CFAP20DC: variants seen among roughly 807,000 people sequenced by gnomAD.
CFAP20DC encodes CFAP20 domain containing.
CFAP20DC carries 84 observed loss-of-function variants against 101.7 expected under a neutral mutation model. The observed-to-expected ratio is 0.83, with a 90% CI of 0.69 to 0.99. The LOEUF is 0.99. CFAP20DC is among the 50% of genes least tolerant of loss of function. CFAP20DC has a pLI of 0.00. For missense variants in CFAP20DC, 1,007 were observed against 970.3 expected (o/e 1.04, Z -0.50); for synonymous variants, 359 against 351.2 (o/e 1.02, Z -0.25).
At chr3:58,763,012 T>C (rs2069812785) in intron 15 of CFAP20DC, among the ~76,000 whole-genome samples, 1 of 152,186 alleles carries the variant, frequency 6.6e-6, no homozygotes, top group African/African-American at 2.4e-5. Flanking sequence ...GACAATGATG[T>C]GTCTTGGAGT....
chr3:58,888,156 T>C (rs1226627795), intron 6 of CFAP20DC, among the ~76,000 whole-genome samples: 1 of 152,228 alleles, frequency 6.6e-6, no homozygotes, highest in Non-Finnish European at 1.5e-5. Flanking sequence ...AGGTGAAGTG[T>C]GAAAATAGAA....
Position 58,913,943 on chromosome 3 carries a change from C to G in CFAP20DC, c.394-79G>C. On this transcript the variant is annotated intron_variant, in intron 5 of 16. Transcript: ENST00000482387. This position sits in a 1 kb window ranked among gnomAD's most constrained non-coding sequence, Gnocchi z 4.4. ...AACAAACCATCTATATGTAGACATT[C>G]AAAGAGTTGAGGCAGTTATCCTGAT... 1 of 1,467,276 alleles carries G rather than the reference C, an allele frequency of 6.8e-7. No homozygotes were observed. Among genetic ancestry groups the G allele is most frequent in the South Asian group, 1.2e-5 (1 of 84,012 alleles). 90.9% of individuals were successfully genotyped at this position (1,467,276 alleles called of 1,614,324 possible).
intron 15 of CFAP20DC, among the ~76,000 whole-genome samples, chr3:58,754,711 G>C (rs1369227662): frequency 1.3e-5 from 2 of 151,996 alleles, no homozygotes; most frequent in South Asian, 2.1e-4. Flanking sequence ...TACTTCCTAC[G>C]GTATTAATCT....
At chr3:58,920,178 C>T (rs1397367535) in intron 5 of CFAP20DC, among the ~76,000 whole-genome samples, 1 of 146,420 alleles carries the variant, frequency 6.8e-6, no homozygotes, top group Non-Finnish European at 1.5e-5. Flanking sequence ...GCAGCCTCCG[C>T]TTCCCAGGCT....
downstream of CFAP20DC, among the ~76,000 whole-genome samples, chr3:58,737,590 A>G (rs1236928422): frequency 6.6e-6 from 1 of 152,186 alleles, no homozygotes; most frequent in Non-Finnish European, 1.5e-5. This position sits in a 1 kb window ranked among gnomAD's most constrained non-coding sequence, Gnocchi z 4.1. Context: ...AGCCACTGAG[A>G]ACTACTCCAG....
At chr3:58,843,601 C>G (rs1393483160) in intron 13 of CFAP20DC, among the ~76,000 whole-genome samples, 2 of 151,784 alleles carry the variant, frequency 1.3e-5, no homozygotes, top group Admixed American at 6.6e-5. Context: ...AGGATATTAT[C>G]CAGGAGAACT....
rs1188139807 is a variant in CFAP20DC, at chr3:58,897,115, G to A, written c.551-12406C>T. 1.3e-5 allele frequency among the ~76,000 whole-genome samples: 2 copies of A among 152,128 alleles called. No homozygotes were observed. The highest frequency in any genetic ancestry group is 1.3e-4 in the Admixed American group (2 of 15,268). On this transcript the variant is annotated intron_variant, in intron 6 of 16. Coordinates refer to ENST00000482387, the MANE Select transcript of CFAP20DC (RefSeq NM_001394063.1). The surrounding 1 kb of genome is among the most constrained non-coding windows in gnomAD (Gnocchi z 4.4). ...TAGGATTGTTAGCACTTCTTGAATTGAACCCTTTACCACTACATAATGCCC... is the reference window on the plus strand; with the variant it reads ...TAGGATTGTTAGCACTTCTTGAATTAAACCCTTTACCACTACATAATGCCC...
chr3:58,826,633 A>T (rs1016013961), intron 14 of CFAP20DC, among the ~76,000 whole-genome samples: 2 of 152,146 alleles, frequency 1.3e-5, no homozygotes, highest in Admixed American at 6.5e-5. Context: ...AAGGACCTAA[A>T]CTCATCCGTA....
chr3:58,890,584 C>T (rs1323896895), intron 6 of CFAP20DC, among the ~76,000 whole-genome samples: 2 of 151,070 alleles, frequency 1.3e-5, no homozygotes, highest in Non-Finnish European at 3.0e-5. Context: ...CCACCTCCCT[C>T]CCGGACGGGG....
At chr3:58,983,054 G>A (rs888104141) in intron 4 of CFAP20DC, among the ~76,000 whole-genome samples, 2 of 152,074 alleles carry the variant, frequency 1.3e-5, no homozygotes, top group East Asian at 1.9e-4. Context: ...GAGCCAAAGT[G>A]GGGGGAAAGA....
At chr3:58,883,116 CTT>C (rs1326057798) in intron 7 of CFAP20DC, among the ~76,000 whole-genome samples, 2 of 152,196 alleles carry the variant, frequency 1.3e-5, no homozygotes, top group Non-Finnish European at 2.9e-5. Flanking sequence ...ATGGTTATCT[CTT>C]GTTTCTCCTT....
At chr3:58,816,110 C>G (rs571382091) in intron 14 of CFAP20DC, among the ~76,000 whole-genome samples, 11 of 151,826 alleles carry the variant, frequency 7.2e-5, no homozygotes, top group African/African-American at 2.7e-4. Context: ...GGAACCAACC[C>G]AAATGTCCAA....
intron 6 of CFAP20DC, among the ~76,000 whole-genome samples, chr3:58,898,654 G>GT (rs2082878022): frequency 6.6e-6 from 1 of 152,094 alleles, no homozygotes; most frequent in East Asian, 1.9e-4. Context: ...AGCAAAGTTC[G>GT]TTATTACCCA....
At chr3:58,891,153 G>A (rs1249338517) in intron 6 of CFAP20DC, among the ~76,000 whole-genome samples, 5 of 151,968 alleles carry the variant, frequency 3.3e-5, no homozygotes, top group South Asian at 2.1e-4. Context: ...CTGAGTGAAC[G>A]AGACTCCGTC....
intron 6 of CFAP20DC, among the ~76,000 whole-genome samples, chr3:58,898,721 A>T (rs1209619940): frequency 6.6e-6 from 1 of 152,088 alleles, no homozygotes; most frequent in Non-Finnish European, 1.5e-5. Flanking sequence ...ATTTTGTGCC[A>T]TTGCTGGAGA....
At chr3:58,796,622 C>G (rs1206431735) in intron 15 of CFAP20DC, among the ~76,000 whole-genome samples, 1 of 152,188 alleles carries the variant, frequency 6.6e-6, no homozygotes, top group Admixed American at 6.5e-5. Flanking sequence ...ACCAGCACCA[C>G]AGCTTCAGGT....
At chr3:59,000,733 A>G (rs2108747155) in intron 4 of CFAP20DC, among the ~76,000 whole-genome samples, 1 of 152,300 alleles carries the variant, frequency 6.6e-6, no homozygotes, top group African/African-American at 2.4e-5. Context: ...GTGAAGAACA[A>G]CACAGAAGGT....
At position 58,817,150 on chromosome 3, in the gene CFAP20DC, C is replaced by G. The variant is rs1427158886; in HGVS notation, c.2176-10694G>C. Among the ~76,000 whole-genome samples the G allele has an allele frequency of 2.0e-5, 3 of 151,834 alleles. No individual in the cohort carries two copies. The South Asian group carries it at 6.2e-4, about 32-fold the overall frequency. ...CGAAAACCCATCTGTACATCACCAT[C>G]ATCAAAGACCAAAAGTAGATAAAAC... is the stretch of plus-strand genomic sequence containing the variant. On this transcript the variant is annotated intron_variant, in intron 14 of 16. Coordinates refer to ENST00000482387, the MANE Select transcript of CFAP20DC (RefSeq NM_001394063.1).
intron 5 of CFAP20DC, among the ~76,000 whole-genome samples, chr3:58,926,619 C>CA (rs2086006118): frequency 6.6e-6 from 1 of 152,174 alleles, no homozygotes; most frequent in African/African-American, 2.4e-5. Context: ...CTATTAAAAA[C>CA]CTCAAACTTC....
Sources: allele counts gnomAD v4.1 joint callset (sites outside exome capture counted in the v4.1 genomes callset), GRCh38; gene constraint gnomAD v4.1.1; non-coding constraint Gnocchi (gnomAD v3.1); transcripts MANE v1.5; gene names NCBI Gene and HGNC (gene_info 2026-07-23, HGNC 2026-07-21).